Variants in UBE2S observed in about 807,000 individuals in gnomAD.
UBE2S encodes the protein ubiquitin conjugating enzyme E2 S.
UBE2S carries 3 observed loss-of-function variants against 12.3 expected under a neutral mutation model. That is an observed-to-expected ratio of 0.24 (90% CI 0.11 to 0.63). The LOEUF is 0.63. UBE2S is among the 30% of genes least tolerant of loss of function. UBE2S has a pLI of 0.85. For missense variants in UBE2S, 211 were observed against 313.9 expected (o/e 0.67, Z 2.48); for synonymous variants, 133 against 142.0 (o/e 0.94, Z 0.45).
rs928472369 is a variant in UBE2S at position 55,400,743 on chromosome 19, CAA to C, written c.*691_*692del. ...CTCAGCCGTGTCCAGACTTCCAACA[CAA>C]AGTCTGAAGTGGGTGTTGTTTTAAG... On this transcript the variant is annotated 3_prime_UTR_variant, in exon 4 of 4. Transcript: ENST00000264552. 6.6e-5 allele frequency: 10 copies of C among 152,472 alleles called. No homozygotes were observed. Among genetic ancestry groups the C allele is most frequent in the African/African-American group, 2.4e-4 (10 of 41,592 alleles). 9.4% of individuals were successfully genotyped at this position (152,472 alleles called of 1,614,324 possible). A position where few individuals can be genotyped will look rare whatever the true frequency, so the allele number is the denominator to read the frequency against.
At chr19:55,406,984 G>A in intron 1 of UBE2S, 22 bp from the exon 2 acceptor site, 3 of 1,611,092 alleles carry the variant, frequency 1.9e-6, no homozygotes, top group Non-Finnish European at 2.5e-6. Context: ...TGGGAGAGCA[G>A]GGTGAGCGAG....
chr19:55,400,299 G>C lies in UBE2S; in HGVS notation c.*1137C>G, dbSNP rs541872311. The C allele has an allele frequency of 6.6e-6, 1 of 152,226 alleles. No homozygotes were observed. The highest frequency in any genetic ancestry group is 1.5e-5 in the Non-Finnish European group (1 of 68,044). The allele number at this position is 152,226 out of a possible 1,614,324, so 9.4% of individuals were successfully genotyped here. A position where few individuals can be genotyped will look rare whatever the true frequency, so the allele number is the denominator to read the frequency against. On this transcript the variant is annotated 3_prime_UTR_variant, in exon 4 of 4. Coordinates refer to ENST00000264552, the MANE Select transcript of UBE2S (RefSeq NM_014501.3). ...CTCCTAAAGTTGGGATTACAGGCGT[G>C]AGCCATTGCGCCTGGCCTATTTTTA...
At chr19:55,402,511 T>A (rs2090067590) in intron 3 of UBE2S, among the ~76,000 whole-genome samples, 1 of 152,192 alleles carries the variant, frequency 6.6e-6, no homozygotes, top group African/African-American at 2.4e-5. Flanking sequence ...CTGGATCCTC[T>A]GAAGTGGGTC....
chr19:55,403,122 C>T (rs754100490), intron 3 of UBE2S: 22 of 813,820 alleles, frequency 2.7e-5, no homozygotes, highest in South Asian at 1.7e-4. Flanking sequence ...GTGGCACCCC[C>T]GAGTTGTGAC....
In UBE2S at chr19:55,407,757, C is replaced by T. The variant is rs895875015; in HGVS notation, c.-168G>A. ...GTCCGCCGCGCACAGCGTAGACCAA[C>T]CCGCCGCCCCGGTGCCCGGCAGCAC... On this transcript the variant is annotated 5_prime_UTR_variant, in exon 1 of 4. Coordinates refer to ENST00000264552, the MANE Select transcript of UBE2S (RefSeq NM_014501.3). 55 of 422,298 alleles carry T rather than the reference C, an allele frequency of 1.3e-4. No homozygotes were observed. Among genetic ancestry groups the T allele is most frequent in the Admixed American group, 1.9e-4 (4 of 21,106 alleles). 26.2% of individuals were successfully genotyped at this position (422,298 alleles called of 1,614,324 possible). A position where few individuals can be genotyped will look rare whatever the true frequency, so the allele number is the denominator to read the frequency against.
chr19:55,407,782 C>T lies in UBE2S; in HGVS notation c.-193G>A, dbSNP rs559042607. 8.5e-6 allele frequency: 3 copies of T among 353,704 alleles called. No individual in the cohort carries two copies. Among genetic ancestry groups the T allele is most frequent in the East Asian group, 9.1e-5 (2 of 22,024 alleles). 21.9% of individuals were successfully genotyped at this position (353,704 alleles called of 1,614,324 possible). On this transcript the variant is annotated 5_prime_UTR_variant, in exon 1 of 4. The change creates a new upstream start codon in the 5' untranslated region. Coordinates refer to ENST00000264552, the MANE Select transcript of UBE2S (RefSeq NM_014501.3). ...CCCGCCGCCCCGGTGCCCGGCAGCACTGAGCCGGCCGCGCGCGCACCACTG... is the reference window on the plus strand; with the variant it reads ...CCCGCCGCCCCGGTGCCCGGCAGCATTGAGCCGGCCGCGCGCGCACCACTG...
Position 55,404,206 on chromosome 19 carries a change from A to G in UBE2S, c.342+82T>C. 3.8e-6 allele frequency: 6 copies of G among 1,561,734 alleles called. No individual in the cohort carries two copies. The highest frequency in any genetic ancestry group is 5.2e-6 in the Non-Finnish European group (6 of 1,143,874). On this transcript the variant is annotated intron_variant, in intron 3 of 3. Coordinates refer to ENST00000264552, the MANE Select transcript of UBE2S (RefSeq NM_014501.3). The surrounding 1 kb of genome is among the most constrained non-coding windows in gnomAD (Gnocchi z 4.4). ...ACCACTTCAGAGTTGATTCAGAAAA[A>G]CTAAACAAAGCGCTATGGCTCAGAC...
intron 3 of UBE2S, among the ~76,000 whole-genome samples, chr19:55,402,642 A>AT (rs1052633683): frequency 6.6e-6 from 1 of 152,138 alleles, no homozygotes; most frequent in African/African-American, 2.4e-5. Flanking sequence ...TCCCACCCTA[A>AT]TTCTCATCAC....
rs1016129183 is a variant in UBE2S, at chr19:55,407,763, G to C, written c.-174C>G. The C allele has an allele frequency of 2.5e-6, 1 of 398,498 alleles. No homozygotes were observed. Among genetic ancestry groups the C allele is most frequent in the Non-Finnish European group, 4.2e-6 (1 of 239,742 alleles). The allele number at this position is 398,498 out of a possible 1,614,324, so 24.7% of individuals were successfully genotyped here. A position where few individuals can be genotyped will look rare whatever the true frequency, so the allele number is the denominator to read the frequency against. The stretch of plus-strand genomic sequence containing the variant: ...CGCGCACAGCGTAGACCAACCCGCC[G>C]CCCCGGTGCCCGGCAGCACTGAGCC... On this transcript the variant is annotated 5_prime_UTR_variant, in exon 1 of 4. Transcript: ENST00000264552.
At chr19:55,402,397 C>T (rs978497991) in intron 3 of UBE2S, among the ~76,000 whole-genome samples, 6 of 152,184 alleles carry the variant, frequency 3.9e-5, no homozygotes, top group South Asian at 2.1e-4. Context: ...AGGTGCACTT[C>T]GAGGGTGGTC....
chr19:55,407,529 ACCT>A, intron 1 of UBE2S, 55 bp downstream of exon 1: 1 of 1,518,252 alleles, frequency 6.6e-7, no homozygotes, highest in African/African-American at 1.4e-5. Flanking sequence ...CTGAGACTCC[ACCT>A]CCTCCCTCAG....
Position 55,401,508 on chromosome 19 carries a change from A to G in UBE2S, c.597T>C (p.His199=), listed in dbSNP as rs1238305789. ...CCAGCTTCTTATCGCGCTCGCCAGC[A>G]TGCTTCTTGGCCATGGGACCCTCAG... The part of the protein sequence containing the change: ...GGAEGPMAKK[H]AGERDKKLAA... Residue 199 remains histidine, a synonymous_variant, in exon 4 of 4, where the codon CAT becomes CAC. Transcript: ENST00000264552. 8 of 1,610,116 alleles carry G rather than the reference A, an allele frequency of 5.0e-6. No individual in the cohort carries two copies. Among genetic ancestry groups the G allele is most frequent in the Non-Finnish European group, 6.8e-6 (8 of 1,179,698 alleles).
At position 55,401,162 on chromosome 19, in the gene UBE2S, T is replaced by C. The variant is rs767920428; in HGVS notation, c.*274A>G. The C allele has an allele frequency of 3.9e-6, 2 of 515,838 alleles. No individual in the cohort carries two copies. The highest frequency in any genetic ancestry group is 3.4e-5 in the East Asian group (1 of 29,210). The allele number at this position is 515,838 out of a possible 1,614,324, so 32.0% of individuals were successfully genotyped here. The stretch of plus-strand genomic sequence containing the variant: ...CAAACAGCAAGGCTGGTGAGCTAGA[T>C]GGACCCACTGCTGCAGTCCATGAGG... On this transcript the variant is annotated 3_prime_UTR_variant, in exon 4 of 4. Coordinates refer to ENST00000264552, the MANE Select transcript of UBE2S (RefSeq NM_014501.3).
At position 55,406,822 on chromosome 19, in the gene UBE2S, C is replaced by T. The variant is rs2090098985; in HGVS notation, c.144G>A (p.Glu48=). The part of the protein sequence containing the change: ...EDLTDLQVTI[E]GPEGTPYAGG... ...TTTTCCTTCCAAACTCACCAGGGCC[C>T]TCGATGGTGACCTGGAGGTCGGTGA... The change falls in exon 2 of 4, where the codon GAG becomes GAA. Residue 48 remains glutamate, a synonymous_variant. Coordinates refer to ENST00000264552, the MANE Select transcript of UBE2S (RefSeq NM_014501.3). 1.9e-6 allele frequency: 3 copies of T among 1,612,660 alleles called. No individual in the cohort carries two copies. The highest frequency in any genetic ancestry group is 2.5e-6 in the Non-Finnish European group (3 of 1,179,392).
Position 55,404,773 on chromosome 19 carries a change from C to T in UBE2S, c.152-295G>A, listed in dbSNP as rs1294227770. ...ACGGGCATGCCACCAGGTCTGGCTA[C>T]TTTTTTATTTTAAGAGATAGGGTCT... On this transcript the variant is annotated intron_variant, in intron 2 of 3. Coordinates refer to ENST00000264552, the MANE Select transcript of UBE2S (RefSeq NM_014501.3). This position sits in a 1 kb window ranked among gnomAD's most constrained non-coding sequence, Gnocchi z 4.4. Among the ~76,000 whole-genome samples the T allele has an allele frequency of 3.9e-5, 6 of 152,098 alleles. No homozygotes were observed. The highest frequency in any genetic ancestry group is 1.4e-4 in the African/African-American group (6 of 41,446).
At chr19:55,405,002 G>C (rs928311402) in intron 2 of UBE2S, among the ~76,000 whole-genome samples, 2 of 151,430 alleles carry the variant, frequency 1.3e-5, no homozygotes, top group African/African-American at 4.8e-5. Flanking sequence ...CCTGAGGTCA[G>C]GAGTTCAAGA....
chr19:55,406,920 C>T lies in UBE2S; in HGVS notation c.46G>A (p.Val16Met). 1 of 1,613,856 alleles carries T rather than the reference C, an allele frequency of 6.2e-7. No homozygotes were observed. The change falls in exon 2 of 4, where the codon GTG (valine) becomes ATG (methionine). Residue 16 changes from valine to methionine, a missense_variant. Physicochemically the swap from Val to Met is conservative, Grantham distance 21. Coordinates refer to ENST00000264552, the MANE Select transcript of UBE2S (RefSeq NM_014501.3). ...GTCAGTGTCGTCACCTCCTTGTACA[C>T]CAGGCGGATGATGTGCGGGGGTAGG... ...ENLPPHIIRL[V>M]YKEVTTLTAD...
chr19:55,404,568 T>A lies in UBE2S; in HGVS notation c.152-90A>T. Reference sequence around the variant, plus strand: ...AAGTCCAGTCTCCACGGTCTGATTGTGATGCAGGTGGGTGCCCCGCCAACT... The same window carrying A: ...AAGTCCAGTCTCCACGGTCTGATTGAGATGCAGGTGGGTGCCCCGCCAACT... On this transcript the variant is annotated intron_variant, in intron 2 of 3. Coordinates refer to ENST00000264552, the MANE Select transcript of UBE2S (RefSeq NM_014501.3). This position sits in a 1 kb window ranked among gnomAD's most constrained non-coding sequence, Gnocchi z 4.4. 1 of 1,237,014 alleles carries A rather than the reference T, an allele frequency of 8.1e-7. No homozygotes were observed. The highest frequency in any genetic ancestry group is 2.6e-5 in the East Asian group (1 of 39,020). The allele number at this position is 1,237,014 out of a possible 1,614,324, so 76.6% of individuals were successfully genotyped here.
chr19:55,402,052 G>A (rs567248800), intron 3 of UBE2S, among the ~76,000 whole-genome samples: 4 of 152,304 alleles, frequency 2.6e-5, no homozygotes, highest in South Asian at 2.1e-4. Flanking sequence ...CGGGGGAAAC[G>A]CCAAGGCCCC....
Sources: allele counts gnomAD v4.1 joint callset (sites outside exome capture counted in the v4.1 genomes callset), GRCh38; gene constraint gnomAD v4.1.1; non-coding constraint Gnocchi (gnomAD v3.1); transcripts MANE v1.5; gene names NCBI Gene and HGNC (gene_info 2026-07-23, HGNC 2026-07-21).